PTPRD: variants seen among roughly 807,000 people sequenced by gnomAD.
The protein encoded by PTPRD is protein tyrosine phosphatase receptor type D.
Under a neutral mutation model 214.5 loss-of-function variants are expected in PTPRD, and 34 were observed. The observed-to-expected ratio is 0.16, with a 90% CI of 0.12 to 0.21. PTPRD has a LOEUF of 0.21. Ranked by LOEUF, PTPRD falls within the 10% of genes least tolerant of loss-of-function variation. PTPRD has a pLI of 1.00. For synonymous variants in PTPRD, 1,128 were observed against 845.7 expected (o/e 1.33, Z -5.79); for missense variants, 2,545 against 2,398.7 (o/e 1.06, Z -1.27).
At chr9:8,982,210 G>A (rs1002978856) in intron 11 of PTPRD, among the ~76,000 whole-genome samples, 2 of 151,888 alleles carry the variant, frequency 1.3e-5, no homozygotes, top group Admixed American at 6.6e-5. Flanking sequence ...AGTACTGAAT[G>A]GTATTTCATT....
chr9:8,376,101 G>C lies in PTPRD; in HGVS notation c.4507-11C>G. The C allele has an allele frequency of 6.2e-7, 1 of 1,611,270 alleles. No individual in the cohort carries two copies. Among genetic ancestry groups the C allele is most frequent in the Non-Finnish European group, 8.5e-7 (1 of 1,178,622 alleles). ...CTCACTTGAACCATTCTGTGAAATA[G>C]GAATATCAGCTGAAATTCTGTTTTC... is the stretch of plus-strand genomic sequence containing the variant. On this transcript the variant is annotated splice_polypyrimidine_tract_variant and intron_variant, in intron 38 of 45. Transcript: ENST00000381196.
intron 7 of PTPRD, among the ~76,000 whole-genome samples, chr9:9,682,694 A>G (rs900045565): frequency 2.0e-5 from 3 of 151,742 alleles, no homozygotes; most frequent in Non-Finnish European, 2.9e-5. Flanking sequence ...TCAGCAGATA[A>G]GGAAATTGTC....
intron 10 of PTPRD, among the ~76,000 whole-genome samples, chr9:9,168,781 A>G (rs952224422): frequency 1.3e-5 from 2 of 152,088 alleles, no homozygotes; most frequent in Admixed American, 1.3e-4. Context: ...ATTTTCTGAG[A>G]GGAAGAAAGC....
chr9:9,869,524 T>A (rs192057833), intron 5 of PTPRD, among the ~76,000 whole-genome samples: 5 of 152,228 alleles, frequency 3.3e-5, no homozygotes, highest in Non-Finnish European at 7.4e-5. Context: ...TTGTCCCACA[T>A]TCAGATTGTA....
chr9:9,086,916 A>G (rs1360454034), intron 10 of PTPRD, among the ~76,000 whole-genome samples: 2 of 152,204 alleles, frequency 1.3e-5, no homozygotes, highest in African/African-American at 4.8e-5. Context: ...ATACAATAGC[A>G]AAAGCCAAAG....
intron 14 of PTPRD, among the ~76,000 whole-genome samples, chr9:8,582,585 T>C (rs2093274336): frequency 6.6e-6 from 1 of 152,144 alleles, no homozygotes; most frequent in African/African-American, 2.4e-5. Flanking sequence ...GGAAATTAAC[T>C]GGCAATTTAT....
intron 7 of PTPRD, among the ~76,000 whole-genome samples, chr9:9,585,311 T>G (rs2091741971): frequency 6.6e-6 from 1 of 152,082 alleles, no homozygotes; most frequent in African/African-American, 2.4e-5. Flanking sequence ...TTTCGGATCC[T>G]GTCCTTTTTC....
chr9:9,271,210 C>G (rs1383211482), intron 9 of PTPRD, among the ~76,000 whole-genome samples: 1 of 151,124 alleles, frequency 6.6e-6, no homozygotes, highest in Non-Finnish European at 1.5e-5. Context: ...TAACTAGAAA[C>G]TTCATGAAGC....
chr9:9,518,715 G>A (rs1250192734), intron 8 of PTPRD, among the ~76,000 whole-genome samples: 1 of 151,998 alleles, frequency 6.6e-6, no homozygotes, highest in Non-Finnish European at 1.5e-5. Context: ...GAGTTTTAAT[G>A]TAATGCATGC....
At chr9:9,466,320 G>C (rs940362693) in intron 8 of PTPRD, among the ~76,000 whole-genome samples, 4 of 152,022 alleles carry the variant, frequency 2.6e-5, no homozygotes, top group African/African-American at 9.7e-5. Context: ...AAATAAGTAA[G>C]TAAATAATAA....
chr9:9,631,865 A>C (rs2095605464), intron 7 of PTPRD, among the ~76,000 whole-genome samples: 1 of 152,182 alleles, frequency 6.6e-6, no homozygotes, highest in African/African-American at 2.4e-5. Flanking sequence ...ATTATTAGAA[A>C]ATATAAGTAA....
intron 3 of PTPRD, among the ~76,000 whole-genome samples, chr9:10,127,334 T>C (rs1212732213): frequency 4.6e-5 from 7 of 152,184 alleles, no homozygotes; most frequent in Non-Finnish European, 8.8e-5. Flanking sequence ...CTCAAAATAA[T>C]GTGGCAAAAG....
intron 10 of PTPRD, among the ~76,000 whole-genome samples, chr9:9,067,260 A>C (rs1056258565): frequency 2.0e-5 from 3 of 152,184 alleles, no homozygotes; most frequent in Non-Finnish European, 2.9e-5. Flanking sequence ...AACAAACAAA[A>C]AAACTTGTCT....
Position 9,113,024 on chromosome 9 carries a change from G to T in PTPRD, c.-143+70280C>A, listed in dbSNP as rs542264543. Among the ~76,000 whole-genome samples, 45 of 151,554 alleles carry T rather than the reference G, an allele frequency of 3.0e-4. 2 individuals are homozygous for T. In the South Asian group the frequency reaches 7.1e-3, roughly 24 times the overall value. ...CTGTCACCTAGGCTTCAGTGCAGGG[G>T]CTCAATTATAGCTCACTGCAGCCTC... On this transcript the variant is annotated intron_variant, in intron 10 of 45. Transcript: ENST00000381196.
intron 10 of PTPRD, among the ~76,000 whole-genome samples, chr9:9,045,881 A>C (rs528214773): frequency 1.3e-5 from 2 of 152,334 alleles, no homozygotes; most frequent in South Asian, 4.1e-4. Context: ...CCTGCATAAA[A>C]GAAATGATTA....
chr9:10,035,975 A>T (rs10809019), intron 3 of PTPRD, among the ~76,000 whole-genome samples: 48,427 of 151,776 alleles, frequency 0.32, 8,325 homozygotes, highest in East Asian at 0.62. Flanking sequence ...TGAGTGTCTA[A>T]ATCATGGGGT....
intron 3 of PTPRD, among the ~76,000 whole-genome samples, chr9:10,062,276 C>T (rs2097788861): frequency 6.6e-6 from 1 of 152,030 alleles, no homozygotes; most frequent in Admixed American, 6.6e-5. Context: ...CCACCAAGCA[C>T]AATCCATTAG....
At chr9:9,316,888 G>A (rs1171216241) in intron 9 of PTPRD, among the ~76,000 whole-genome samples, 3 of 152,104 alleles carry the variant, frequency 2.0e-5, no homozygotes. Flanking sequence ...TCTCTTCACT[G>A]AGAATATTGA....
chr9:10,259,561 T>C (rs574937089), intron 3 of PTPRD, among the ~76,000 whole-genome samples: 21 of 152,210 alleles, frequency 1.4e-4, no homozygotes, highest in Admixed American at 1.4e-3. Context: ...CCTGACGCAA[T>C]ATGAACCAAG....
Sources: gnomAD v4.1 joint callset for allele counts (sites outside exome capture counted in the v4.1 genomes callset) on GRCh38, gnomAD v4.1.1 for gene constraint, MANE v1.5 for transcripts, NCBI Gene and HGNC (gene_info 2026-07-23, HGNC 2026-07-21) for gene names.